GRID1: variants seen among roughly 807,000 people sequenced by gnomAD.
GRID1 encodes glutamate receptor ionotropic, delta-1.
A neutral mutation model predicts 98.0 loss-of-function variants in GRID1; 28 were observed. That is an observed-to-expected ratio of 0.29 (90% CI 0.21 to 0.39). GRID1 has a LOEUF of 0.39. Among genes scored for constraint, GRID1 ranks in the 10% least tolerant of loss-of-function variants. The pLI is 1.00. For missense variants in GRID1, 1,111 were observed against 1,340.5 expected (o/e 0.83, Z 2.67); for synonymous variants, 553 against 538.5 (o/e 1.03, Z -0.37).
At chr10:86,274,311 T>C (rs1386483622) in intron 2 of GRID1, among the ~76,000 whole-genome samples, 18 of 152,238 alleles carry the variant, frequency 1.2e-4, no homozygotes, top group Non-Finnish European at 1.2e-4. Context: ...TTGGTGACTG[T>C]AGCCTTGTAG....
At chr10:85,707,916 G>A (rs1178757436) in intron 12 of GRID1, among the ~76,000 whole-genome samples, 1 of 151,746 alleles carries the variant, frequency 6.6e-6, no homozygotes, top group Non-Finnish European at 1.5e-5. Context: ...TGAACAATGA[G>A]AACACATGGA....
intron 12 of GRID1, among the ~76,000 whole-genome samples, chr10:85,699,299 C>T (rs1287990924): frequency 6.6e-6 from 1 of 152,108 alleles, no homozygotes; most frequent in Non-Finnish European, 1.5e-5. Flanking sequence ...GGTGATCCTC[C>T]CGCCTCGGCC....
chr10:86,339,170 A>G (rs1031320536), intron 2 of GRID1, among the ~76,000 whole-genome samples: 1 of 152,264 alleles, frequency 6.6e-6, no homozygotes, highest in Non-Finnish European at 1.5e-5. Context: ...ACATCTGTGA[A>G]GTGAACAAAT....
intron 4 of GRID1, among the ~76,000 whole-genome samples, chr10:86,095,628 T>A (rs2131941238): frequency 6.6e-6 from 1 of 152,180 alleles, no homozygotes; most frequent in African/African-American, 2.4e-5. Context: ...TCACTAATGA[T>A]CAAGGAAATG....
At chr10:85,818,053 T>C (rs1842731796) in intron 8 of GRID1, among the ~76,000 whole-genome samples, 14 of 152,200 alleles carry the variant, frequency 9.2e-5, no homozygotes, top group Admixed American at 9.2e-4. Context: ...TGTTCTTTAG[T>C]TGGTAAATTT....
intron 8 of GRID1, among the ~76,000 whole-genome samples, chr10:85,837,719 C>A (rs924025883): frequency 9.2e-5 from 14 of 151,962 alleles, no homozygotes; most frequent in Non-Finnish European, 1.6e-4. Flanking sequence ...AGAATCAGCA[C>A]AAGAATGCTG....
At chr10:85,703,712 G>A (rs1324700976) in intron 12 of GRID1, among the ~76,000 whole-genome samples, 3 of 151,924 alleles carry the variant, frequency 2.0e-5, no homozygotes, top group Non-Finnish European at 4.4e-5. Flanking sequence ...TAATAATAAT[G>A]GTAACAGAAT....
chr10:85,750,014 G>A (rs1842031483), intron 8 of GRID1, among the ~76,000 whole-genome samples: 1 of 152,122 alleles, frequency 6.6e-6, no homozygotes, highest in South Asian at 2.1e-4. Flanking sequence ...AATATAAGCT[G>A]CATGAGGACA....
chr10:85,632,725 A>T (rs186243171), intron 13 of GRID1, among the ~76,000 whole-genome samples: 110 of 152,250 alleles, frequency 7.2e-4, no homozygotes, highest in African/African-American at 2.4e-3. Context: ...GGTATTTTTT[A>T]AAAATTATTT....
intron 4 of GRID1, among the ~76,000 whole-genome samples, chr10:86,085,728 C>T (rs966992041): frequency 1.3e-4 from 20 of 152,202 alleles, no homozygotes; most frequent in Middle Eastern, 3.4e-3. Flanking sequence ...CCTGGGGATC[C>T]CAGGGGTCTT....
At chr10:85,991,736 A>G (rs1052898252) in intron 4 of GRID1, among the ~76,000 whole-genome samples, 4 of 152,236 alleles carry the variant, frequency 2.6e-5, no homozygotes, top group African/African-American at 9.6e-5. Flanking sequence ...TAGCCCTGAC[A>G]AAGGTCATTT....
chr10:85,681,736 G>A (rs1841211328), intron 12 of GRID1, among the ~76,000 whole-genome samples: 1 of 152,104 alleles, frequency 6.6e-6, no homozygotes, highest in Admixed American at 6.5e-5. Flanking sequence ...TTGTTCTGCT[G>A]GCATTTCCGC....
At position 86,211,891 on chromosome 10, in the gene GRID1, T is replaced by C. The variant is rs539152207; in HGVS notation, c.236-5243A>G. ...CTGACTCTACCCAACTGTCCCTGGA[T>C]AGAAATCCCCAGGGCACCTCCCGGC... On this transcript the variant is annotated intron_variant, in intron 2 of 15. Coordinates refer to ENST00000327946, the MANE Select transcript of GRID1 (RefSeq NM_017551.3). Among the ~76,000 whole-genome samples the C allele has an allele frequency of 3.3e-5, 5 of 152,234 alleles. No homozygotes were observed. In the East Asian group the frequency reaches 9.7e-4, roughly 29 times the overall value.
intron 4 of GRID1, among the ~76,000 whole-genome samples, chr10:85,950,243 A>T (rs993151186): frequency 2.6e-5 from 4 of 152,208 alleles, no homozygotes; most frequent in Non-Finnish European, 5.9e-5. Flanking sequence ...GTGCACCTGG[A>T]GTGACAATTT....
intron 4 of GRID1, among the ~76,000 whole-genome samples, chr10:86,060,664 G>A (rs574824689): frequency 6.6e-6 from 1 of 152,330 alleles, no homozygotes; most frequent in African/African-American, 2.4e-5. Context: ...GCCTGGACTG[G>A]TTTCAGCACA....
chr10:85,691,659 G>A (rs57862164), intron 12 of GRID1, among the ~76,000 whole-genome samples: 4,607 of 152,156 alleles, frequency 0.03, 208 homozygotes, highest in African/African-American at 0.1. Context: ...CTTCTAGTTC[G>A]CATCTATTAC....
At chr10:85,800,744 T>C (rs1842567610) in intron 8 of GRID1, among the ~76,000 whole-genome samples, 1 of 152,100 alleles carries the variant, frequency 6.6e-6, no homozygotes, top group Non-Finnish European at 1.5e-5. Flanking sequence ...TTACTTTCTA[T>C]GTGTCAGGCA....
At position 86,075,809 on chromosome 10, in the gene GRID1, G is replaced by C. The variant is rs75614781; in HGVS notation, c.726+63010C>G. 3.3e-4 allele frequency among the ~76,000 whole-genome samples: 50 copies of C among 152,294 alleles called. No individual in the cohort carries two copies. The East Asian group carries it at 6.6e-3, about 20-fold the overall frequency. ...GAAAACACCACATACAGTGAGTTTG[G>C]CCAGGAATGTAAGGAAACTTCAGAT... is the stretch of plus-strand genomic sequence containing the variant. On this transcript the variant is annotated intron_variant, in intron 4 of 15. Coordinates refer to ENST00000327946, the MANE Select transcript of GRID1 (RefSeq NM_017551.3).
chr10:85,710,770 C>G (rs1480931432), intron 12 of GRID1, among the ~76,000 whole-genome samples: 1 of 151,804 alleles, frequency 6.6e-6, no homozygotes, highest in African/African-American at 2.4e-5. Context: ...ACAAAGAAAA[C>G]CCATAAATGA....
Sources: allele counts gnomAD v4.1 joint callset (sites outside exome capture counted in the v4.1 genomes callset), GRCh38; gene constraint gnomAD v4.1.1; transcripts MANE v1.5; gene names NCBI Gene and HGNC (gene_info 2026-07-23, HGNC 2026-07-21).